The following SRGAP1 variants were observed in gnomAD, a reference collection of about 807,000 sequenced individuals.
SRGAP1 encodes the protein SLIT-ROBO Rho GTPase activating protein 1.
SRGAP1 carries 43 observed loss-of-function variants against 121.9 expected under a neutral mutation model. That is an observed-to-expected ratio of 0.35 (90% CI 0.28 to 0.46). The LOEUF (loss-of-function observed/expected upper bound fraction) is 0.46. SRGAP1 is among the 20% of genes least tolerant of loss of function. SRGAP1 has a pLI of 1.00. For synonymous variants in SRGAP1, 447 were observed against 485.4 expected, an observed-to-expected ratio of 0.92 and a Z score of 1.04; for missense variants, 1,102 against 1,350.9, an observed-to-expected ratio of 0.82 and a Z score of 2.89.
intron 1 of SRGAP1, among the ~76,000 whole-genome samples, chr12:63,929,679 A>G (rs1383361941): frequency 6.6e-6 from 1 of 152,050 alleles, no homozygotes; most frequent in Non-Finnish European, 1.5e-5. Context: ...TAACAGGCGA[A>G]CTGTATTTGC....
chr12:64,041,944 G>T (rs1307155365), intron 4 of SRGAP1, among the ~76,000 whole-genome samples: 1 of 147,282 alleles, frequency 6.8e-6, no homozygotes, highest in East Asian at 2.0e-4. Flanking sequence ...TGTCACCCAG[G>T]CTGGAGTACA....
intron 1 of SRGAP1, among the ~76,000 whole-genome samples, chr12:63,897,906 AAAAG>A (rs1347041996): frequency 1.3e-5 from 2 of 152,184 alleles, no homozygotes; most frequent in Non-Finnish European, 2.9e-5. Flanking sequence ...GAGTCAGAGA[AAAAG>A]AAGGCACAAA....
intron 1 of SRGAP1, among the ~76,000 whole-genome samples, chr12:63,865,272 C>T (rs1899587323): frequency 6.6e-6 from 1 of 152,058 alleles, no homozygotes; most frequent in Non-Finnish European, 1.5e-5. Flanking sequence ...AGTTCGAGAC[C>T]AGCCCAGCCA....
Position 63,964,614 on chromosome 12 carries a change from C to T in SRGAP1, c.68-19333C>T, listed in dbSNP as rs571924929. 9.9e-5 allele frequency among the ~76,000 whole-genome samples: 15 copies of T among 151,374 alleles called. No individual in the cohort carries two copies. The East Asian group carries it at 2.9e-3, about 29-fold the overall frequency. ...CATTACGCTTGAGGCCTATATAACT[C>T]CCTAGTTACACTGTGGGTTTTCTTC... On this transcript the variant is annotated intron_variant, in intron 1 of 21. Coordinates refer to ENST00000355086, the MANE Select transcript of SRGAP1 (RefSeq NM_020762.4).
At chr12:64,109,071 C>T (rs766254665) in intron 16 of SRGAP1, 34 bp downstream of exon 16, 1 of 1,374,810 alleles carries the variant, frequency 7.3e-7, no homozygotes, top group Non-Finnish European at 9.9e-7. Context: ...AAAGGCCCAT[C>T]TGAATTCTGT....
chr12:63,976,690 TATATC>T (rs1321734717), intron 1 of SRGAP1, among the ~76,000 whole-genome samples: 2 of 152,218 alleles, frequency 1.3e-5, no homozygotes, highest in African/African-American at 4.8e-5. Flanking sequence ...GCTTTTCACT[TATATC>T]ATCTCATTTA....
chr12:63,863,705 T>C (rs1899531725), intron 1 of SRGAP1, among the ~76,000 whole-genome samples: 2 of 152,260 alleles, frequency 1.3e-5, no homozygotes, highest in African/African-American at 4.8e-5. Context: ...GTTTTAATTA[T>C]ACACATCTAT....
At chr12:63,967,740 A>G (rs1445205383) in intron 1 of SRGAP1, among the ~76,000 whole-genome samples, 1 of 152,232 alleles carries the variant, frequency 6.6e-6, no homozygotes, top group African/African-American at 2.4e-5. Flanking sequence ...GGGAAGAGAT[A>G]TGAAAAGCTA....
chr12:63,957,978 C>T (rs2032526007), intron 1 of SRGAP1, among the ~76,000 whole-genome samples: 1 of 152,160 alleles, frequency 6.6e-6, no homozygotes, highest in Non-Finnish European at 1.5e-5. Context: ...TGCATAGTGC[C>T]ACCTGAGGCA....
At chr12:64,044,314 A>G (rs2035082782) in intron 6 of SRGAP1, among the ~76,000 whole-genome samples, 1 of 152,188 alleles carries the variant, frequency 6.6e-6, no homozygotes, top group Non-Finnish European at 1.5e-5. Context: ...GCAAAGATGA[A>G]ACACAAAAAT....
At chr12:64,122,941 G>A (rs1166201339) in intron 18 of SRGAP1, among the ~76,000 whole-genome samples, 4 of 152,042 alleles carry the variant, frequency 2.6e-5, no homozygotes, top group African/African-American at 7.2e-5. Context: ...CATAGAGGTC[G>A]TGATTGTGCA....
At chr12:63,922,976 G>A (rs1244700533) in intron 1 of SRGAP1, among the ~76,000 whole-genome samples, 14 of 152,138 alleles carry the variant, frequency 9.2e-5, no homozygotes, top group Admixed American at 5.9e-4. Flanking sequence ...AAAACGTTTG[G>A]TAGCATCTTC....
rs150440318 is a variant in SRGAP1 at position 64,111,139 on chromosome 12, T to C, written c.1920-623T>C. ...ACAACTGGAAATCTCCCCCACAGTT[T>C]GCAAGCCTTGCATAGAATAAGAGAA... On this transcript the variant is annotated intron_variant, in intron 16 of 21. Transcript: ENST00000355086. Among the ~76,000 whole-genome samples the C allele has an allele frequency of 3.6e-3, 545 of 152,314 alleles. 2 individuals are homozygous for C. Among genetic ancestry groups the C allele is most frequent in the Middle Eastern group, 0.01 (3 of 294 alleles).
chr12:63,922,574 A>G (rs886726273), intron 1 of SRGAP1, among the ~76,000 whole-genome samples: 3 of 152,122 alleles, frequency 2.0e-5, no homozygotes, highest in Admixed American at 6.5e-5. Flanking sequence ...TCCTACTTCA[A>G]CCTACTTTTC....
chr12:63,942,710 A>C (rs937393898), intron 1 of SRGAP1, among the ~76,000 whole-genome samples: 1 of 152,118 alleles, frequency 6.6e-6, no homozygotes, highest in African/African-American at 2.4e-5. Context: ...TTCTTCTCTG[A>C]GCCTGGCCTC....
intron 9 of SRGAP1, among the ~76,000 whole-genome samples, chr12:64,079,993 A>G (rs1298663678): frequency 6.6e-6 from 1 of 152,184 alleles, no homozygotes; most frequent in Non-Finnish European, 1.5e-5. Context: ...CTGTAATCCC[A>G]GCACTTTGGG....
At chr12:63,937,797 G>A (rs2031715605) in intron 1 of SRGAP1, among the ~76,000 whole-genome samples, 3 of 152,190 alleles carry the variant, frequency 2.0e-5, no homozygotes, top group Admixed American at 2.0e-4. Context: ...CACTCTAAAT[G>A]CAAAGCCACA....
intron 4 of SRGAP1, among the ~76,000 whole-genome samples, chr12:64,034,761 T>C (rs1250365044): frequency 3.3e-5 from 5 of 152,170 alleles, no homozygotes; most frequent in African/African-American, 1.2e-4. Flanking sequence ...GCCAAAGACC[T>C]CACAGCAAGT....
intron 1 of SRGAP1, among the ~76,000 whole-genome samples, chr12:63,967,879 A>T (rs1565974377): frequency 6.6e-6 from 1 of 152,214 alleles, no homozygotes; most frequent in African/African-American, 2.4e-5. Context: ...TCATCCTGAG[A>T]AACAGTTCCA....
Sources: allele counts gnomAD v4.1 joint callset (sites outside exome capture counted in the v4.1 genomes callset), GRCh38; gene constraint gnomAD v4.1.1; transcripts MANE v1.5; gene names NCBI Gene and HGNC (gene_info 2026-07-23, HGNC 2026-07-21).